The following NCOR2 variants were observed in gnomAD, a reference collection of about 807,000 sequenced individuals.
NCOR2 encodes the protein nuclear receptor corepressor 2, also known as CTG repeat protein 26.
NCOR2 carries 81 observed loss-of-function variants against 262.9 expected under a neutral mutation model. That is an observed-to-expected ratio of 0.31 (90% CI 0.26 to 0.37). NCOR2 has a LOEUF of 0.37. Among genes scored for constraint, NCOR2 ranks in the 10% least tolerant of loss-of-function variants. The pLI is 1.00. For missense variants in NCOR2, 3,385 were observed against 3,621.4 expected (o/e 0.93, Z 1.68); for synonymous variants, 1,659 against 1,559.3 (o/e 1.06, Z -1.51).
intron 8 of NCOR2, among the ~76,000 whole-genome samples, chr12:124,433,003 T>A (rs546565337): frequency 2.0e-5 from 3 of 151,968 alleles, no homozygotes; most frequent in Non-Finnish European, 4.4e-5. Flanking sequence ...TTCGGTACAG[T>A]CAGAAAGCCC....
At chr12:124,343,142 A>C in exon 33 of NCOR2, 1 of 1,612,094 alleles carries the variant, frequency 6.2e-7, no homozygotes, top group Non-Finnish European at 8.5e-7. Flanking sequence ...GTGCTCGGGC[A>C]CGGTGCTGTG....
chr12:124,414,368 ACT>A (rs1296091361), intron 13 of NCOR2, among the ~76,000 whole-genome samples: 1 of 152,130 alleles, frequency 6.6e-6, no homozygotes, highest in Non-Finnish European at 1.5e-5. Flanking sequence ...GTGCTGCATG[ACT>A]GTTGGCCGGC....
chr12:124,386,349 TTTCCGGCCACA>T (rs1159104376), intron 16 of NCOR2, among the ~76,000 whole-genome samples: 1 of 151,964 alleles, frequency 6.6e-6, no homozygotes, highest in African/African-American at 2.4e-5. Flanking sequence ...GACGGGTTGT[TTTCCGGCCACA>T]CCGGCCCAGC....
chr12:124,528,853 G>C (rs2050622308), intron 1 of NCOR2, among the ~76,000 whole-genome samples: 2 of 152,184 alleles, frequency 1.3e-5, no homozygotes, highest in Non-Finnish European at 1.5e-5. Context: ...TGACCTGTCA[G>C]AGCCTCAGTT....
chr12:124,380,573 T>C (rs2040336533), intron 17 of NCOR2, among the ~76,000 whole-genome samples: 1 of 152,120 alleles, frequency 6.6e-6, no homozygotes, highest in Non-Finnish European at 1.5e-5. Flanking sequence ...AGTGGTGGCA[T>C]GTGGGTTCTG....
At chr12:124,333,346 A>C in intron 41 of NCOR2, 67 bp from the exon 44 acceptor site, 6 of 1,346,124 alleles carry the variant, frequency 4.5e-6, no homozygotes, top group Non-Finnish European at 4.8e-6. Context: ...CCCTCCCTCC[A>C]CTCTAAACCA....
At chr12:124,365,006 C>A (rs2038912893) in intron 20 of NCOR2, among the ~76,000 whole-genome samples, 1 of 149,882 alleles carries the variant, frequency 6.7e-6, no homozygotes, top group Admixed American at 6.6e-5. Flanking sequence ...GGTGGCCCAG[C>A]CTATGTTTGG....
chr12:124,475,702 T>C (rs2047068459), intron 3 of NCOR2, among the ~76,000 whole-genome samples: 1 of 152,242 alleles, frequency 6.6e-6, no homozygotes, highest in Non-Finnish European at 1.5e-5. Flanking sequence ...CAAATCTTAA[T>C]CCACGTAACC....
At chr12:124,398,621 G>A (rs1219301095) in intron 15 of NCOR2, among the ~76,000 whole-genome samples, 1 of 152,230 alleles carries the variant, frequency 6.6e-6, no homozygotes, top group East Asian at 1.9e-4. Flanking sequence ...TCATCTGACC[G>A]AGGACCCTCT....
exon 23 of NCOR2, chr12:124,356,726 G>T: frequency 6.7e-7 from 1 of 1,500,352 alleles, no homozygotes; most frequent in Non-Finnish European, 8.8e-7. Context: ...GGGAAGGGCA[G>T]GCCGGAAGTC....
intron 1 of NCOR2, among the ~76,000 whole-genome samples, chr12:124,533,930 G>GT (rs2050984620): frequency 1.6e-5 from 2 of 128,064 alleles, no homozygotes; most frequent in Non-Finnish European, 3.5e-5. Flanking sequence ...ACCTTTTTGT[G>GT]ATTTTTTTTT....
chr12:124,335,710 C>A, intron 38 of NCOR2, 78 bp from the exon 41 acceptor site: 1 of 1,492,472 alleles, frequency 6.7e-7, no homozygotes, highest in East Asian at 2.3e-5. Context: ...GCCCTCCCAG[C>A]TGGCTGGGAC....
chr12:124,348,488 G>T (rs929874372), intron 28 of NCOR2, 174 bp from the exon 31 acceptor site: 3 of 840,684 alleles, frequency 3.6e-6, no homozygotes, highest in Non-Finnish European at 5.3e-6. Context: ...CAGGCCCTGG[G>T]GGCCTGCCAG....
In NCOR2 at chr12:124,482,388, A is replaced by C. The variant is rs546045794; in HGVS notation, c.411+1208T>G. On this transcript the variant is annotated intron_variant, in intron 3 of 46. Coordinates refer to ENST00000405201, the Ensembl canonical transcript of NCOR2. This position sits in a 1 kb window ranked among gnomAD's most constrained non-coding sequence, Gnocchi z 6.3. ...CCCCACCTCCTGCCAGCCCAAGCCC[A>C]CCCCAGGGATATCCCAGGTTCCACG... 3.9e-5 allele frequency among the ~76,000 whole-genome samples: 6 copies of C among 151,920 alleles called. No individual in the cohort carries two copies. In the East Asian group the frequency reaches 1.2e-3, roughly 29 times the overall value.
chr12:124,339,315 CCA>C (rs2036199365), intron 37 of NCOR2, among the ~76,000 whole-genome samples: 1 of 145,322 alleles, frequency 6.9e-6, no homozygotes, highest in African/African-American at 2.6e-5. Context: ...ATCCATCCAT[CCA>C]TCCATCCATC....
intron 13 of NCOR2, among the ~76,000 whole-genome samples, chr12:124,412,574 G>A (rs556917680): frequency 1.1e-4 from 16 of 152,378 alleles, no homozygotes; most frequent in African/African-American, 3.6e-4. Flanking sequence ...TGGCCAGGGA[G>A]GCCGTTGCCC....
At chr12:124,358,174 TGAA>T (rs1370376119) in intron 22 of NCOR2, among the ~76,000 whole-genome samples, 3 of 141,674 alleles carry the variant, frequency 2.1e-5, no homozygotes, top group East Asian at 4.4e-4. Flanking sequence ...TACACAATGT[TGAA>T]GGAGATAACC....
In NCOR2 at chr12:124,327,404, C is replaced by A. The variant is rs761691797; in HGVS notation, c.7183+5G>T. ...ACGGGGGCGGGGCGGGGGTGGCCTG[C>A]AGACCTGGCGAGGTGAGTGTGTGGT... On this transcript the variant is annotated splice_donor_5th_base_variant and intron_variant, in intron 45 of 46. Coordinates refer to ENST00000405201, the Ensembl canonical transcript of NCOR2. 20 of 1,604,394 alleles carry A rather than the reference C, an allele frequency of 1.2e-5. No individual in the cohort carries two copies. Among genetic ancestry groups the A allele is most frequent in the Admixed American group, 1.7e-5 (1 of 59,742 alleles).
intron 15 of NCOR2, among the ~76,000 whole-genome samples, chr12:124,399,787 C>T (rs35852917): frequency 5.8e-4 from 89 of 152,306 alleles, no homozygotes; most frequent in Non-Finnish European, 9.7e-4. Flanking sequence ...TGGACCCTAA[C>T]AGCTAAACAA....
Sources: allele counts gnomAD v4.1 joint callset (sites outside exome capture counted in the v4.1 genomes callset), GRCh38; gene constraint gnomAD v4.1.1; non-coding constraint Gnocchi (gnomAD v3.1); transcripts MANE v1.5; gene names NCBI Gene and HGNC (gene_info 2026-07-23, HGNC 2026-07-21).